ESRRG: variants seen among roughly 807,000 people sequenced by gnomAD.
ESRRG encodes estrogen related receptor gamma.
A neutral mutation model predicts 44.0 loss-of-function variants in ESRRG; 13 were observed. The observed-to-expected ratio is 0.30, with a 90% CI of 0.19 to 0.47. ESRRG has a LOEUF of 0.47. Among genes scored for constraint, ESRRG ranks in the 20% least tolerant of loss-of-function variants. ESRRG has a pLI of 1.00. For missense variants in ESRRG, 395 were observed against 580.6 expected (o/e 0.68, Z 3.29); for synonymous variants, 215 against 214.6 (o/e 1.00, Z -0.02).
chr1:217,049,933 G>A (rs571593530), intron 1 of ESRRG, among the ~76,000 whole-genome samples: 1 of 152,326 alleles, frequency 6.6e-6, no homozygotes, highest in Middle Eastern at 3.4e-3. Flanking sequence ...TTAGCTCTGA[G>A]ACACAGATGC....
intron 1 of ESRRG, among the ~76,000 whole-genome samples, chr1:216,690,584 T>C (rs2078880349): frequency 6.6e-6 from 1 of 152,246 alleles, no homozygotes; most frequent in Non-Finnish European, 1.5e-5. Flanking sequence ...ACAGAAAATA[T>C]GTCTTGTTGT....
At chr1:216,746,128 G>T (rs2091369648) in intron 2 of ESRRG, among the ~76,000 whole-genome samples, 1 of 152,164 alleles carries the variant, frequency 6.6e-6, no homozygotes, top group African/African-American at 2.4e-5. Context: ...AATGTAAAAA[G>T]TAGATATTAT....
chr1:216,679,303 G>T (rs1002515001), intron 1 of ESRRG, among the ~76,000 whole-genome samples: 2 of 152,136 alleles, frequency 1.3e-5, no homozygotes, highest in African/African-American at 4.8e-5. Flanking sequence ...GTAATTAATA[G>T]ATCGCTCTCC....
intron 1 of ESRRG, among the ~76,000 whole-genome samples, chr1:217,076,648 C>T (rs1346566317): frequency 6.6e-6 from 1 of 152,058 alleles, no homozygotes; most frequent in African/African-American, 2.4e-5. Flanking sequence ...TAACAGTTTT[C>T]AGAAAGACTG....
At chr1:216,645,768 A>G (rs902369654) in intron 3 of ESRRG, among the ~76,000 whole-genome samples, 1 of 151,552 alleles carries the variant, frequency 6.6e-6, no homozygotes, top group South Asian at 2.1e-4. Flanking sequence ...GCTACTCAGG[A>G]AGCTGAGACA....
At chr1:216,961,639 C>CT (rs2069104010) in intron 1 of ESRRG, among the ~76,000 whole-genome samples, 1 of 150,288 alleles carries the variant, frequency 6.7e-6, no homozygotes, top group South Asian at 2.1e-4. Context: ...GATTAACAAC[C>CT]TTTTATTTTA....
intron 2 of ESRRG, among the ~76,000 whole-genome samples, chr1:216,790,351 C>T (rs912048268): frequency 2.8e-4 from 42 of 152,174 alleles, no homozygotes; most frequent in African/African-American, 9.7e-4. Flanking sequence ...CATTCCCCAT[C>T]TGTAAAATGG....
At chr1:216,662,790 A>G (rs1383413603) in intron 2 of ESRRG, among the ~76,000 whole-genome samples, 1 of 152,178 alleles carries the variant, frequency 6.6e-6, no homozygotes, top group African/African-American at 2.4e-5. Context: ...TTTGCAGGTC[A>G]TTCAGTCTCT....
intron 1 of ESRRG, among the ~76,000 whole-genome samples, chr1:217,137,262 C>G (rs888420479): frequency 4.6e-5 from 7 of 152,204 alleles, no homozygotes; most frequent in Non-Finnish European, 1.0e-4. Flanking sequence ...TTCCTAACAC[C>G]GCTGCCCACC....
intron 3 of ESRRG, among the ~76,000 whole-genome samples, chr1:216,618,588 T>C (rs1364333267): frequency 2.0e-5 from 3 of 152,234 alleles, no homozygotes; most frequent in Non-Finnish European, 4.4e-5. Context: ...ATTTTCAATA[T>C]TTGACAGTAT....
chr1:216,785,001 G>C (rs1465410470), intron 2 of ESRRG, among the ~76,000 whole-genome samples: 1 of 151,864 alleles, frequency 6.6e-6, no homozygotes, highest in East Asian at 1.9e-4. Flanking sequence ...CCGAGACGAT[G>C]GTCTGAGCTG....
At chr1:216,648,796 T>G (rs1444681539) in intron 3 of ESRRG, among the ~76,000 whole-genome samples, 7 of 152,174 alleles carry the variant, frequency 4.6e-5, no homozygotes, top group African/African-American at 1.4e-4. Flanking sequence ...ATTTTAGAAC[T>G]TTTTAAAAAA....
chr1:216,952,121 C>G (rs1382490453), intron 1 of ESRRG, among the ~76,000 whole-genome samples: 1 of 152,148 alleles, frequency 6.6e-6, no homozygotes, highest in South Asian at 2.1e-4. Flanking sequence ...ACCTTGCCAA[C>G]ACCCCCACTG....
intron 2 of ESRRG, among the ~76,000 whole-genome samples, chr1:216,794,376 A>G (rs1343542421): frequency 6.6e-6 from 1 of 152,194 alleles, no homozygotes; most frequent in Non-Finnish European, 1.5e-5. Flanking sequence ...CTCAGTTTCC[A>G]TAAGTGGGAA....
At chr1:216,985,129 G>A (rs2074654125) in intron 1 of ESRRG, among the ~76,000 whole-genome samples, 2 of 152,132 alleles carry the variant, frequency 1.3e-5, no homozygotes, top group East Asian at 1.9e-4. Context: ...ACCCATAAAA[G>A]ATCAGCTGGA....
intron 1 of ESRRG, among the ~76,000 whole-genome samples, chr1:216,720,722 GA>G (rs2086068247): frequency 6.6e-6 from 1 of 152,096 alleles, no homozygotes; most frequent in East Asian, 1.9e-4. Flanking sequence ...TGAAAACCCT[GA>G]AACAGAAAGA....
chr1:216,972,457 G>A (rs2071882702), intron 1 of ESRRG, among the ~76,000 whole-genome samples: 1 of 152,156 alleles, frequency 6.6e-6, no homozygotes, highest in South Asian at 2.1e-4. Flanking sequence ...ACAGTCAAAT[G>A]TACTTCACTG....
intron 3 of ESRRG, among the ~76,000 whole-genome samples, chr1:216,633,528 T>G (rs1340505820): frequency 1.3e-5 from 2 of 152,214 alleles, no homozygotes; most frequent in Non-Finnish European, 2.9e-5. Context: ...ATGTACACAA[T>G]GCCCCAGCAC....
chr1:216,901,559 CA>C (rs1468256306), intron 2 of ESRRG, among the ~76,000 whole-genome samples: 1 of 151,982 alleles, frequency 6.6e-6, no homozygotes, highest in African/African-American at 2.4e-5. Context: ...TCTGTAGGAA[CA>C]AGGTCTCCCT....
Sources: gnomAD v4.1 joint callset for allele counts (sites outside exome capture counted in the v4.1 genomes callset) on GRCh38, gnomAD v4.1.1 for gene constraint, MANE v1.5 for transcripts, NCBI Gene and HGNC (gene_info 2026-07-23, HGNC 2026-07-21) for gene names.